The following FNIP1 variants were observed in gnomAD, a reference collection of about 807,000 sequenced individuals.
FNIP1 encodes the protein folliculin interacting protein 1, also known as folliculin-interacting protein 1.
A neutral mutation model predicts 124.5 loss-of-function variants in FNIP1; 40 were observed. The observed-to-expected ratio is 0.32, with a 90% confidence interval of 0.25 to 0.42. FNIP1 has a LOEUF of 0.42. Among genes scored for constraint, FNIP1 ranks in the 10% least tolerant of loss-of-function variants. The pLI, the probability that FNIP1 is intolerant of heterozygous loss-of-function variation, is 1.00. For synonymous variants in FNIP1, 472 were observed against 470.6 expected (o/e 1.00, Z -0.04); for missense variants, 1,176 against 1,403.7 (o/e 0.84, Z 2.59).
At chr5:131,658,388 G>T (rs1580731622) in intron 15 of FNIP1, among the ~76,000 whole-genome samples, 1 of 152,152 alleles carries the variant, frequency 6.6e-6, no homozygotes, top group South Asian at 2.1e-4. Flanking sequence ...TATTCCTGGG[G>T]TATGGGGCCA....
intron 10 of FNIP1, among the ~76,000 whole-genome samples, chr5:131,700,710 G>C (rs1768869795): frequency 1.3e-5 from 2 of 151,622 alleles, no homozygotes; most frequent in Admixed American, 6.6e-5. Context: ...TTGCCAAGGT[G>C]TTCAGAAACA....
At chr5:131,734,532 A>C (rs1465760452) in intron 2 of FNIP1, among the ~76,000 whole-genome samples, 1 of 152,340 alleles carries the variant, frequency 6.6e-6, no homozygotes, top group South Asian at 2.1e-4. Context: ...CAACCTACAG[A>C]ATGGGAGAAA....
chr5:131,735,807 A>G (rs1770282434), intron 2 of FNIP1, among the ~76,000 whole-genome samples: 1 of 148,322 alleles, frequency 6.7e-6, no homozygotes, highest in Middle Eastern at 3.3e-3. Context: ...ACTTAAGGGA[A>G]TGTGTGTGTG....
At chr5:131,710,835 GT>G (rs1769268164) in intron 6 of FNIP1, among the ~76,000 whole-genome samples, 174 bp from the exon 7 acceptor site, 1 of 152,020 alleles carries the variant, frequency 6.6e-6, no homozygotes, top group South Asian at 2.1e-4. Flanking sequence ...ACAGGATGGT[GT>G]TTCTTTAGCC....
At chr5:131,769,379 T>A (rs758599298) in intron 1 of FNIP1, among the ~76,000 whole-genome samples, 71 of 152,302 alleles carry the variant, frequency 4.7e-4, no homozygotes, top group Middle Eastern at 3.4e-3. Flanking sequence ...ATCACCAAAT[T>A]AATAACTAGA....
At chr5:131,658,944 CAAAAACAA>C (rs1767302898) in intron 15 of FNIP1, among the ~76,000 whole-genome samples, 1 of 125,444 alleles carries the variant, frequency 8.0e-6, no homozygotes, top group Admixed American at 8.0e-5. Flanking sequence ...AAATCACCAC[CAAAAACAA>C]AAAAACAAAT....
chr5:131,697,968 CAAAAAAAAA>C (rs753487190), intron 11 of FNIP1, among the ~76,000 whole-genome samples: 6 of 58,774 alleles, frequency 1.0e-4, no homozygotes, highest in Non-Finnish European at 2.6e-4. Flanking sequence ...GACTCCACCT[CAAAAAAAAA>C]AAAAAAAAAA....
chr5:131,689,528 T>C (rs141697207), intron 11 of FNIP1, among the ~76,000 whole-genome samples: 2 of 152,244 alleles, frequency 1.3e-5, no homozygotes, highest in African/African-American at 4.8e-5. Context: ...TTATAAGGGA[T>C]GTGATGTGAG....
chr5:131,671,846 C>T lies in FNIP1; in HGVS notation c.2598G>A (p.Met866Ile). 5 of 1,614,054 alleles carry T rather than the reference C, an allele frequency of 3.1e-6. No homozygotes were observed. Among genetic ancestry groups the T allele is most frequent in the Non-Finnish European group, 4.2e-6 (5 of 1,179,992 alleles). The change falls in exon 14 of 18, where the codon ATG becomes ATA. Residue 866 changes from methionine to isoleucine, a missense_variant. Physicochemically the swap from Met to Ile is conservative, Grantham distance 10 (BLOSUM62 1). Transcript: ENST00000510461. ...TSTDSKDHCC[M>I]LEFSKILCTK... The stretch of plus-strand genomic sequence containing the variant: ...TACACAATATTTTTGAAAACTCTAA[C>T]ATACAGCAATGGTCTTTACTATCTG...
At chr5:131,781,747 A>G (rs1343944367) in intron 1 of FNIP1, among the ~76,000 whole-genome samples, 1 of 152,222 alleles carries the variant, frequency 6.6e-6, no homozygotes. Context: ...AAGGAGATTA[A>G]TGTTATCATG....
chr5:131,699,190 G>GT (rs1768805947), intron 10 of FNIP1, among the ~76,000 whole-genome samples, 188 bp from the exon 11 acceptor site: 1 of 152,094 alleles, frequency 6.6e-6, no homozygotes, highest in Non-Finnish European at 1.5e-5. Flanking sequence ...TTAATGAATG[G>GT]TTGAACAAAG....
chr5:131,669,650 G>T (rs1406660070), intron 15 of FNIP1, among the ~76,000 whole-genome samples: 2 of 151,826 alleles, frequency 1.3e-5, no homozygotes, highest in East Asian at 3.9e-4. Context: ...ATGATTAAGG[G>T]ATGGACAAAA....
chr5:131,789,358 A>G (rs1234328813), intron 1 of FNIP1, among the ~76,000 whole-genome samples: 1 of 152,220 alleles, frequency 6.6e-6, no homozygotes, highest in Non-Finnish European at 1.5e-5. Context: ...TCCCATTTAA[A>G]AAACAAAACT....
At position 131,733,759 on chromosome 5, in the gene FNIP1, A is replaced by G. The variant is rs188147694; in HGVS notation, c.220-2721T>C. On this transcript the variant is annotated intron_variant, in intron 2 of 17. Coordinates refer to ENST00000510461, the MANE Select transcript of FNIP1 (RefSeq NM_133372.3). ...TATTTTATTGAGGATTTCTGCATCA[A>G]TATTCATCAGGGATATTGGTCTACA... 4.8e-3 allele frequency among the ~76,000 whole-genome samples: 727 copies of G among 152,300 alleles called. 5 individuals are homozygous for G. Among genetic ancestry groups the G allele is most frequent in the African/African-American group, 0.017 (690 of 41,566 alleles).
At position 131,677,742 on chromosome 5, in the gene FNIP1, C is replaced by A. The variant is rs746268183; in HGVS notation, c.1480G>T (p.Ala494Ser). ...KHSSQSVDMLAKTHPYNPLWA... is the reference protein window; with the variant it reads ...KHSSQSVDMLSKTHPYNPLWA... ...AGTGGGTTATATGGATGAGTCTTTG[C>A]CAACATGTCCACACTCTGAGAGGAA... Residue 494 changes from alanine (A) to serine (S), a missense_variant, in exon 13 of 18, where the codon GCA becomes TCA. Transcript: ENST00000510461. The A allele has an allele frequency of 3.7e-6, 6 of 1,614,048 alleles. No homozygotes were observed. The highest frequency in any genetic ancestry group is 2.2e-5 in the East Asian group (1 of 44,862).
At chr5:131,713,503 G>C (rs1010117462) in intron 6 of FNIP1, among the ~76,000 whole-genome samples, 1 of 152,188 alleles carries the variant, frequency 6.6e-6, no homozygotes, top group East Asian at 1.9e-4. Flanking sequence ...CAACTAACTG[G>C]TCAACTTCTA....
At chr5:131,779,699 A>G (rs1379590593) in intron 1 of FNIP1, among the ~76,000 whole-genome samples, 2 of 151,214 alleles carry the variant, frequency 1.3e-5, no homozygotes, top group South Asian at 4.2e-4. Context: ...AAAAAAAAAA[A>G]AAAAGAAAAG....
chr5:131,670,668 T>C (rs1767723163), intron 14 of FNIP1, 37 bp from the exon 15 acceptor site: 2 of 1,440,612 alleles, frequency 1.4e-6, no homozygotes, highest in Non-Finnish European at 1.9e-6. Context: ...ATTTATTTAG[T>C]AATAAATATA....
rs1440765739 is a variant in FNIP1 at position 131,699,938 on chromosome 5, G to A, written c.1117-936C>T. ...TTTCAAAAAAAAAAAAAAAAAAAAA[G>A]GGAATATAAAGATTCTACAATAAGA... On this transcript the variant is annotated intron_variant, in intron 10 of 17. Transcript: ENST00000510461. Among the ~76,000 whole-genome samples the A allele has an allele frequency of 1.2e-4, 11 of 89,936 alleles. No individual in the cohort carries two copies. In the South Asian group the frequency reaches 1.6e-3, roughly 13 times the overall value. 59.0% of individuals were successfully genotyped at this position (89,936 alleles called of 152,430 possible).
Sources: gnomAD v4.1 joint callset for allele counts (sites outside exome capture counted in the v4.1 genomes callset) on GRCh38, gnomAD v4.1.1 for gene constraint, MANE v1.5 for transcripts, NCBI Gene and HGNC (gene_info 2026-07-23, HGNC 2026-07-21) for gene names.